DLGAP1: variants seen among roughly 807,000 people sequenced by gnomAD.
DLGAP1 encodes the protein disks large-associated protein 1.
Under a neutral mutation model 90.8 loss-of-function variants are expected in DLGAP1, and 11 were observed. The ratio of observed to expected loss-of-function variants is 0.12; its 90% CI spans 0.08 to 0.20. The LOEUF is 0.20. Among genes scored for constraint, DLGAP1 ranks in the 10% least tolerant of loss-of-function variants. The pLI is 1.00. For synonymous variants in DLGAP1, 558 were observed against 540.7 expected, an observed-to-expected ratio of 1.03 and a Z score of -0.44; for missense variants, 1,050 against 1,333.8, an observed-to-expected ratio of 0.79 and a Z score of 3.31.
chr18:4,012,769 G>A (rs2074449616), intron 2 of DLGAP1, among the ~76,000 whole-genome samples: 1 of 147,760 alleles, frequency 6.8e-6, no homozygotes, highest in Non-Finnish European at 1.5e-5. Context: ...AGGCTGGACT[G>A]CAGTGGCGCA....
chr18:3,825,487 C>T (rs900045695), intron 4 of DLGAP1, among the ~76,000 whole-genome samples: 1 of 152,186 alleles, frequency 6.6e-6, no homozygotes, highest in South Asian at 2.1e-4. Context: ...ATACCAAATA[C>T]AATGCCTGCA....
intron 1 of DLGAP1, among the ~76,000 whole-genome samples, chr18:4,263,081 G>A (rs1359594634): frequency 6.6e-6 from 1 of 152,050 alleles, no homozygotes; most frequent in African/African-American, 2.4e-5. Context: ...CTACAGGCAC[G>A]TGCCACCACG....
intron 1 of DLGAP1, among the ~76,000 whole-genome samples, chr18:4,166,698 G>A (rs116452280): frequency 1.1e-4 from 17 of 152,286 alleles, no homozygotes; most frequent in East Asian, 9.6e-4. Flanking sequence ...TGGTATATTC[G>A]TATGAAGAAA....
chr18:3,888,114 A>AAAAAAAAAAAAAAAAAAAAAAAC, intron 3 of DLGAP1, among the ~76,000 whole-genome samples: 2 of 146,334 alleles, frequency 1.4e-5, no homozygotes, highest in African/African-American at 5.2e-5. Flanking sequence ...TCTCAAAAAA[A>AAAAAAAAAAAAAAAAAAAAAAAC]AAAAAAAAAA....
chr18:4,183,626 C>T (rs2077244033), intron 1 of DLGAP1, among the ~76,000 whole-genome samples: 2 of 152,032 alleles, frequency 1.3e-5, no homozygotes, highest in South Asian at 4.1e-4. Context: ...TCATCCATTT[C>T]CTCTTTCCTC....
chr18:4,175,511 G>C (rs912396149), intron 1 of DLGAP1, among the ~76,000 whole-genome samples: 2 of 152,004 alleles, frequency 1.3e-5, no homozygotes, highest in African/African-American at 4.8e-5. Flanking sequence ...GTCCTGAATG[G>C]TATTGCCTAG....
intron 2 of DLGAP1, among the ~76,000 whole-genome samples, chr18:4,076,552 T>G (rs2075525464): frequency 6.6e-6 from 1 of 152,200 alleles, no homozygotes; most frequent in Non-Finnish European, 1.5e-5. Flanking sequence ...ATTTAAATAC[T>G]TTAATCTCAT....
In DLGAP1 at chr18:3,879,092, A is replaced by C; in HGVS notation, c.957+20T>G. The C allele has an allele frequency of 6.7e-7, 1 of 1,484,832 alleles. No homozygotes were observed. The highest frequency in any genetic ancestry group is 1.8e-4 in the Middle Eastern group (1 of 5,522). The allele number at this position is 1,484,832 out of a possible 1,614,324, so 92.0% of individuals were successfully genotyped here. On this transcript the variant is annotated intron_variant, in intron 4 of 12. Coordinates refer to ENST00000315677, the MANE Select transcript of DLGAP1 (RefSeq NM_004746.4). This position sits in a 1 kb window ranked among gnomAD's most constrained non-coding sequence, Gnocchi z 6.6. ...TGCCAGGTACTACTTCTAAGCCTCC[A>C]TCATTGACAGAAATGGTACCTGCAG...
At chr18:4,358,929 G>A (rs931253709) in intron 1 of DLGAP1, among the ~76,000 whole-genome samples, 6 of 152,346 alleles carry the variant, frequency 3.9e-5, no homozygotes, top group East Asian at 1.9e-4. Context: ...CTGACAGTCC[G>A]TTCTCCATGT....
At chr18:4,291,575 GATT>G (rs1411033317) in intron 1 of DLGAP1, among the ~76,000 whole-genome samples, 1 of 151,842 alleles carries the variant, frequency 6.6e-6, no homozygotes, top group Non-Finnish European at 1.5e-5. Context: ...CACACATTTG[GATT>G]ATTTTATACA....
At chr18:4,414,252 T>C (rs565343998) in intron 1 of DLGAP1, among the ~76,000 whole-genome samples, 1 of 152,366 alleles carries the variant, frequency 6.6e-6, no homozygotes, top group East Asian at 1.9e-4. Context: ...AAACTATTTA[T>C]ATGAAATGTC....
At position 3,569,147 on chromosome 18, in the gene DLGAP1, G is replaced by A. The variant is rs992033996; in HGVS notation, c.1966-1566C>T. On this transcript the variant is annotated intron_variant, in intron 8 of 12. Coordinates refer to ENST00000315677, the MANE Select transcript of DLGAP1 (RefSeq NM_004746.4). ...CTCCCGAGTAGCTGAAATTACAGAC[G>A]CGTGCCACCATGCCCAGCTAATTTT... Among the ~76,000 whole-genome samples, 5 of 151,434 alleles carry A rather than the reference G, an allele frequency of 3.3e-5. No homozygotes were observed. The East Asian group carries it at 1.0e-3, about 30-fold the overall frequency.
At chr18:4,200,898 G>T (rs781742932) in intron 1 of DLGAP1, among the ~76,000 whole-genome samples, 1 of 152,060 alleles carries the variant, frequency 6.6e-6, no homozygotes, top group Non-Finnish European at 1.5e-5. Context: ...TATTTCAGAG[G>T]TGGGAAATAT....
chr18:3,652,695 G>A (rs1483336914), intron 7 of DLGAP1, among the ~76,000 whole-genome samples: 1 of 152,188 alleles, frequency 6.6e-6, no homozygotes, highest in African/African-American at 2.4e-5. Context: ...ATTTAGAAAT[G>A]TGGAACTTTT....
intron 5 of DLGAP1, 26 bp downstream of exon 5, chr18:3,814,033 G>C (rs746554612): frequency 1.9e-6 from 3 of 1,604,972 alleles, no homozygotes; most frequent in South Asian, 2.2e-5. Context: ...CTGGACTATC[G>C]CAAGTGCAGG....
chr18:4,104,531 A>G, intron 2 of DLGAP1, among the ~76,000 whole-genome samples: 1 of 152,110 alleles, frequency 6.6e-6, no homozygotes. Context: ...AGTTTAAGAA[A>G]TCAGGTTTTG....
intron 10 of DLGAP1, among the ~76,000 whole-genome samples, chr18:3,510,804 A>G (rs2050498503): frequency 6.6e-6 from 1 of 152,222 alleles, no homozygotes; most frequent in South Asian, 2.1e-4. Context: ...TGCCTGAGCT[A>G]TATAATAGAC....
chr18:3,601,608 C>T (rs2068691043), intron 7 of DLGAP1, among the ~76,000 whole-genome samples: 1 of 151,756 alleles, frequency 6.6e-6, no homozygotes, highest in Admixed American at 6.6e-5. Flanking sequence ...TTTGGGAGGC[C>T]GAGGTGGGCC....
intron 4 of DLGAP1, among the ~76,000 whole-genome samples, chr18:3,838,556 T>C (rs1334114218): frequency 6.6e-6 from 1 of 152,218 alleles, no homozygotes; most frequent in South Asian, 2.1e-4. Context: ...CAGCAATGAG[T>C]AAACTCTTAG....
Sources: allele counts gnomAD v4.1 joint callset (sites outside exome capture counted in the v4.1 genomes callset), GRCh38; gene constraint gnomAD v4.1.1; non-coding constraint Gnocchi (gnomAD v3.1); transcripts MANE v1.5; gene names NCBI Gene and HGNC (gene_info 2026-07-23, HGNC 2026-07-21).